ARHGAP19: variants seen among roughly 807,000 people sequenced by gnomAD.
The protein encoded by ARHGAP19 is rho GTPase-activating protein 19.
ARHGAP19 carries 48 observed loss-of-function variants against 60.9 expected under a neutral mutation model. That is an observed-to-expected ratio of 0.79 (90% CI 0.62 to 1.00). The LOEUF is 1.00. ARHGAP19 is among the 50% of genes least tolerant of loss of function. ARHGAP19 has a pLI of 0.00. For synonymous variants in ARHGAP19, 209 were observed against 215.5 expected, an observed-to-expected ratio of 0.97 and a Z score of 0.27; for missense variants, 562 against 597.2, an observed-to-expected ratio of 0.94 and a Z score of 0.61.
At position 97,223,120 on chromosome 10, in the gene ARHGAP19, C is replaced by CA. The variant is rs1850835782; in HGVS notation, c.*3001dup. 3 of 152,250 alleles carry CA rather than the reference C, an allele frequency of 2.0e-5. No individual in the cohort carries two copies. Among genetic ancestry groups the CA allele is most frequent in the South Asian group, 4.1e-4 (2 of 4,830 alleles). 9.4% of individuals were successfully genotyped at this position (152,250 alleles called of 1,614,324 possible). A position where few individuals can be genotyped will look rare whatever the true frequency, so the allele number is the denominator to read the frequency against. ...AGATACCTCCGGAGCACCCAGGTGT[C>CA]ACTGCAGTCAACAGCCCTCCACTAG... On this transcript the variant is annotated 3_prime_UTR_variant, in exon 12 of 12. Transcript: ENST00000358531.
intron 9 of ARHGAP19, among the ~76,000 whole-genome samples, chr10:97,231,613 C>T (rs1006448327): frequency 2.0e-5 from 3 of 152,090 alleles, no homozygotes; most frequent in Non-Finnish European, 2.9e-5. Flanking sequence ...TCAAGATTCA[C>T]GCATGTTGTA....
intron 1 of ARHGAP19, among the ~76,000 whole-genome samples, chr10:97,267,125 A>T (rs1352916292): frequency 6.6e-6 from 1 of 152,216 alleles, no homozygotes; most frequent in Non-Finnish European, 1.5e-5. Flanking sequence ...GTTACTTCCT[A>T]GGTACAATGT....
At chr10:97,266,169 T>C (rs1421064597) in intron 1 of ARHGAP19, 44 bp from the exon 2 acceptor site, 2 of 1,604,540 alleles carry the variant, frequency 1.2e-6, no homozygotes, top group Middle Eastern at 1.7e-4. Flanking sequence ...CATTTTTGTA[T>C]GTTTCTTATG....
chr10:97,264,625 C>A (rs75098385), intron 3 of ARHGAP19, among the ~76,000 whole-genome samples: 1 of 152,234 alleles, frequency 6.6e-6, no homozygotes, highest in East Asian at 1.9e-4. Flanking sequence ...AATTTATATA[C>A]ACTTTGAGAG....
intron 1 of ARHGAP19, 68 bp downstream of exon 1, chr10:97,292,504 A>T: frequency 6.3e-7 from 1 of 1,582,156 alleles, no homozygotes; most frequent in South Asian, 1.1e-5. Flanking sequence ...CCGTGACCCA[A>T]GGCAAAGGCG....
intron 2 of ARHGAP19, 71 bp downstream of exon 2, chr10:97,265,789 T>C (rs1311260795): frequency 5.8e-6 from 9 of 1,544,178 alleles, no homozygotes; most frequent in East Asian, 2.3e-5. Flanking sequence ...CTTCGGTGAA[T>C]GTGTAGATGT....
chr10:97,247,316 GA>G lies in ARHGAP19; in HGVS notation c.928-980del, dbSNP rs746581970. Among the ~76,000 whole-genome samples the G allele has an allele frequency of 5.3e-5, 8 of 151,998 alleles. No individual in the cohort carries two copies. In the East Asian group the frequency reaches 9.7e-4, roughly 18 times the overall value. On this transcript the variant is annotated intron_variant, in intron 6 of 11. Transcript: ENST00000358531. ...CAGAGCAAGACCCTGTCTCAAAAAA[GA>G]AAGAAAGAAATACCATTTAGAATTA...
At chr10:97,234,660 C>T (rs1851096039) in intron 9 of ARHGAP19, among the ~76,000 whole-genome samples, 1 of 151,548 alleles carries the variant, frequency 6.6e-6, no homozygotes, top group Non-Finnish European at 1.5e-5. Flanking sequence ...AATCTGCAAA[C>T]ATGGTGATAG....
intron 4 of ARHGAP19, among the ~76,000 whole-genome samples, chr10:97,261,276 A>T (rs1369507715): frequency 6.6e-6 from 1 of 151,736 alleles, no homozygotes; most frequent in Admixed American, 6.6e-5. Flanking sequence ...CAGGTTTAGG[A>T]AGGGCAGGTA....
At chr10:97,264,702 A>G in intron 3 of ARHGAP19, 124 bp downstream of exon 3, 1 of 633,908 alleles carries the variant, frequency 1.6e-6, no homozygotes, top group African/African-American at 1.8e-5. Flanking sequence ...GCCACCCAAA[A>G]TTAACACTGG....
chr10:97,243,841 C>G (rs1283134970), intron 8 of ARHGAP19, 127 bp downstream of exon 8: 1 of 868,022 alleles, frequency 1.2e-6, no homozygotes, highest in Non-Finnish European at 1.7e-6. Context: ...TGTGGAGATT[C>G]CATAGACAAG....
chr10:97,284,839 GA>G (rs1843132424), intron 1 of ARHGAP19, among the ~76,000 whole-genome samples: 1 of 127,866 alleles, frequency 7.8e-6, no homozygotes, highest in African/African-American at 2.9e-5. Context: ...AAGAAAGAAA[GA>G]AAAAAAAGCA....
chr10:97,290,502 T>G (rs1843217254), intron 1 of ARHGAP19, among the ~76,000 whole-genome samples: 1 of 152,084 alleles, frequency 6.6e-6, no homozygotes, highest in African/African-American at 2.4e-5. Flanking sequence ...GGCCCAAGAT[T>G]CCATTCCTTG....
At chr10:97,282,380 T>C (rs1289693776) in intron 1 of ARHGAP19, among the ~76,000 whole-genome samples, 1 of 152,242 alleles carries the variant, frequency 6.6e-6, no homozygotes, top group East Asian at 1.9e-4. Flanking sequence ...AAGAGGTAGA[T>C]ATCTAACAAC....
Position 97,225,289 on chromosome 10 carries a change from T to C in ARHGAP19, c.*833A>G, listed in dbSNP as rs571765942. On this transcript the variant is annotated 3_prime_UTR_variant, in exon 12 of 12. Coordinates refer to ENST00000358531, the MANE Select transcript of ARHGAP19 (RefSeq NM_032900.6). ...CAGAGATGTTTTAGTCAAGAGGAAA[T>C]TGAATGAAGATAACAAGTTCAGCAA... 9 of 151,986 alleles carry C rather than the reference T, an allele frequency of 5.9e-5. No individual in the cohort carries two copies. Among genetic ancestry groups the C allele is most frequent in the Non-Finnish European group, 1.3e-4 (9 of 67,990 alleles). The allele number at this position is 151,986 out of a possible 1,614,324, so 9.4% of individuals were successfully genotyped here.
chr10:97,288,866 G>A (rs1453558173), intron 1 of ARHGAP19, among the ~76,000 whole-genome samples: 1 of 142,980 alleles, frequency 7.0e-6, no homozygotes, highest in Non-Finnish European at 1.5e-5. Flanking sequence ...CCAGGCTGGA[G>A]TGCACTGGTG....
At chr10:97,271,199 T>C (rs1187385437) in intron 1 of ARHGAP19, among the ~76,000 whole-genome samples, 3 of 152,030 alleles carry the variant, frequency 2.0e-5, no homozygotes, top group Non-Finnish European at 4.4e-5. Flanking sequence ...GTCTTAAAAA[T>C]GAAGTCACAA....
At chr10:97,230,829 G>A (rs183239927) in intron 9 of ARHGAP19, among the ~76,000 whole-genome samples, 4 of 152,202 alleles carry the variant, frequency 2.6e-5, no homozygotes, top group East Asian at 3.9e-4. Flanking sequence ...ACTTTGGGAC[G>A]CTGAGGCGGG....
chr10:97,237,302 T>C (rs1175303900), intron 8 of ARHGAP19, among the ~76,000 whole-genome samples: 3 of 137,196 alleles, frequency 2.2e-5, no homozygotes, highest in Non-Finnish European at 3.2e-5. Context: ...CGGAAAACAA[T>C]ATAGTTTCTT....
Sources: gnomAD v4.1 joint callset for allele counts (sites outside exome capture counted in the v4.1 genomes callset) on GRCh38, gnomAD v4.1.1 for gene constraint, MANE v1.5 for transcripts, NCBI Gene and HGNC (gene_info 2026-07-23, HGNC 2026-07-21) for gene names.